PDE4D: variants seen among roughly 807,000 people sequenced by gnomAD.
PDE4D encodes the protein 3',5'-cyclic-AMP phosphodiesterase 4D.
PDE4D carries 24 observed loss-of-function variants against 87.4 expected under a neutral mutation model. The observed-to-expected ratio is 0.27, with a 90% CI of 0.20 to 0.39. The LOEUF (loss-of-function observed/expected upper bound fraction) is 0.39, where lower values mean the gene tolerates loss of function less well. Among genes scored for constraint, PDE4D ranks in the 10% least tolerant of loss-of-function variants. The pLI is 1.00. For synonymous variants in PDE4D, 384 were observed against 383.2 expected, an observed-to-expected ratio of 1.00 and a Z score of -0.02; for missense variants, 714 against 1,041.0, an observed-to-expected ratio of 0.69 and a Z score of 4.32.
intron 1 of PDE4D, among the ~76,000 whole-genome samples, chr5:59,714,252 A>T (rs1264238369): frequency 1.3e-5 from 2 of 152,224 alleles, no homozygotes; most frequent in African/African-American, 4.8e-5. Context: ...AACTTTGTGG[A>T]GATAACTGTC....
chr5:59,808,619 G>A (rs1445434555), intron 1 of PDE4D, among the ~76,000 whole-genome samples: 1 of 152,100 alleles, frequency 6.6e-6, no homozygotes, highest in Non-Finnish European at 1.5e-5. Context: ...TGTGTTAAAA[G>A]CATGGGGAAC....
At chr5:59,112,386 G>A (rs1166999234) in intron 5 of PDE4D, among the ~76,000 whole-genome samples, 1 of 152,186 alleles carries the variant, frequency 6.6e-6, no homozygotes, top group Admixed American at 6.5e-5. Context: ...GCAAGGTTAT[G>A]AGCAGAGGAA....
chr5:59,491,184 T>A (rs1326532362), intron 1 of PDE4D, among the ~76,000 whole-genome samples: 1 of 152,220 alleles, frequency 6.6e-6, no homozygotes, highest in Non-Finnish European at 1.5e-5. Context: ...CTTTTCTCTA[T>A]GTTTAAAACA....
intron 1 of PDE4D, among the ~76,000 whole-genome samples, chr5:59,230,072 C>A (rs1036362531): frequency 1.3e-5 from 2 of 152,216 alleles, no homozygotes; most frequent in African/African-American, 2.4e-5. Flanking sequence ...TAGGCGTGAG[C>A]CACCGTACCC....
At chr5:60,200,341 G>C (rs965423346) in intron 1 of PDE4D, among the ~76,000 whole-genome samples, 1 of 151,546 alleles carries the variant, frequency 6.6e-6, no homozygotes, top group South Asian at 2.1e-4. Flanking sequence ...GTTATTTTAT[G>C]TTTTAGGGAA....
At chr5:60,103,927 A>G (rs1411838400) in intron 2 of PDE4D, among the ~76,000 whole-genome samples, 1 of 152,180 alleles carries the variant, frequency 6.6e-6, no homozygotes, top group Non-Finnish European at 1.5e-5. Context: ...TCCCAGCATG[A>G]GCGACGCAGA....
At chr5:60,321,904 T>A (rs1392253549) in intron 1 of PDE4D, among the ~76,000 whole-genome samples, 2 of 147,840 alleles carry the variant, frequency 1.4e-5, no homozygotes, top group African/African-American at 5.0e-5. Context: ...TTTTTTTTTT[T>A]AATTTGCTGG....
intron 1 of PDE4D, among the ~76,000 whole-genome samples, chr5:59,261,260 G>C (rs1357098866): frequency 6.6e-6 from 1 of 151,730 alleles, no homozygotes; most frequent in African/African-American, 2.4e-5. Context: ...TCTGGTCTTT[G>C]ATAGTCCATT....
intron 2 of PDE4D, among the ~76,000 whole-genome samples, chr5:60,106,669 C>T (rs1051796319): frequency 1.3e-5 from 2 of 152,054 alleles, no homozygotes; most frequent in Non-Finnish European, 2.9e-5. Context: ...TCTCAGACCA[C>T]AGTGCAATCA....
chr5:60,218,753 C>T (rs905795660), intron 1 of PDE4D, among the ~76,000 whole-genome samples: 9 of 151,938 alleles, frequency 5.9e-5, no homozygotes, highest in Admixed American at 1.3e-4. Flanking sequence ...AACTGATGAG[C>T]AGAAATGATT....
intron 1 of PDE4D, among the ~76,000 whole-genome samples, chr5:59,301,121 C>A (rs576420362): frequency 6.6e-6 from 1 of 152,014 alleles, no homozygotes; most frequent in Admixed American, 6.6e-5. Flanking sequence ...TTTATGGAGG[C>A]TTCATGACAT....
At chr5:59,211,336 T>A (rs914691110) in intron 2 of PDE4D, among the ~76,000 whole-genome samples, 3 of 152,170 alleles carry the variant, frequency 2.0e-5, no homozygotes, top group African/African-American at 7.2e-5. Flanking sequence ...TATGAGCTAA[T>A]TTTTTAGATT....
chr5:59,688,235 G>A (rs918114428), intron 1 of PDE4D, among the ~76,000 whole-genome samples: 1 of 152,158 alleles, frequency 6.6e-6, no homozygotes, highest in African/African-American at 2.4e-5. Flanking sequence ...GACATCTACA[G>A]AACTCTCCAC....
chr5:59,118,123 C>T (rs1295390860), intron 5 of PDE4D, among the ~76,000 whole-genome samples: 1 of 152,156 alleles, frequency 6.6e-6, no homozygotes, highest in Non-Finnish European at 1.5e-5. Flanking sequence ...GATCCTTCTA[C>T]CTTTCTAGCC....
intron 1 of PDE4D, among the ~76,000 whole-genome samples, chr5:59,810,423 AT>A (rs1388518384): frequency 1.3e-5 from 2 of 152,102 alleles, no homozygotes; most frequent in Non-Finnish European, 2.9e-5. Flanking sequence ...AATGTTATTG[AT>A]TTTTCCTTAT....
chr5:59,516,119 A>T (rs2153670811), intron 1 of PDE4D, among the ~76,000 whole-genome samples: 1 of 152,320 alleles, frequency 6.6e-6, no homozygotes, highest in South Asian at 2.1e-4. Flanking sequence ...ACATTACTAG[A>T]TGTAAAATAA....
At chr5:60,505,888 C>T (rs1303783242) in intron 1 of PDE4D, among the ~76,000 whole-genome samples, 2 of 152,186 alleles carry the variant, frequency 1.3e-5, no homozygotes, top group Admixed American at 6.5e-5. Flanking sequence ...ATCTCTTTGC[C>T]AGTTGGCAGG....
chr5:60,115,778 T>C (rs191909152), intron 2 of PDE4D, among the ~76,000 whole-genome samples: 2 of 152,268 alleles, frequency 1.3e-5, no homozygotes, highest in East Asian at 3.9e-4. Context: ...CATTGTATTA[T>C]AATACCAACA....
At chr5:59,127,395 A>G (rs1408602604) in intron 5 of PDE4D, among the ~76,000 whole-genome samples, 2 of 152,148 alleles carry the variant, frequency 1.3e-5, no homozygotes, top group Non-Finnish European at 2.9e-5. Context: ...CAGAAGTGTT[A>G]ACAGAATTAA....
Sources: gnomAD v4.1 joint callset for allele counts (sites outside exome capture counted in the v4.1 genomes callset) on GRCh38, gnomAD v4.1.1 for gene constraint, MANE v1.5 for transcripts, NCBI Gene and HGNC (gene_info 2026-07-23, HGNC 2026-07-21) for gene names.